The following ANKRD55 variants were observed in gnomAD, a reference collection of about 807,000 sequenced individuals.
ANKRD55 encodes ankyrin repeat domain-containing protein 55.
ANKRD55 carries 41 observed loss-of-function variants against 60.6 expected under a neutral mutation model. That is an observed-to-expected ratio of 0.68 (90% confidence interval 0.53 to 0.88). ANKRD55 has a LOEUF of 0.88. Ranked by LOEUF, ANKRD55 falls within the 40% of genes least tolerant of loss-of-function variation. ANKRD55 has a pLI of 0.00. For missense variants in ANKRD55, 732 were observed against 767.6 expected, an observed-to-expected ratio of 0.95 and a Z score of 0.55; for synonymous variants, 264 against 290.3, an observed-to-expected ratio of 0.91 and a Z score of 0.92.
At chr5:56,218,041 A>G (rs1759866159) in intron 2 of ANKRD55, among the ~76,000 whole-genome samples, 2 of 152,230 alleles carry the variant, frequency 1.3e-5, no homozygotes, top group Non-Finnish European at 2.9e-5. Context: ...CAAGAGAACT[A>G]GAGTTAGAAG....
chr5:56,122,468 T>A (rs1041215034), intron 8 of ANKRD55, among the ~76,000 whole-genome samples: 1 of 151,546 alleles, frequency 6.6e-6, no homozygotes, highest in Non-Finnish European at 1.5e-5. Flanking sequence ...CTGGCCAACA[T>A]GGTGAAACCC....
At chr5:56,109,374 C>T (rs1020460595) in intron 10 of ANKRD55, among the ~76,000 whole-genome samples, 2 of 151,840 alleles carry the variant, frequency 1.3e-5, no homozygotes, top group Admixed American at 6.6e-5. Context: ...TCTAGTTTTT[C>T]GAGAGAAGCT....
chr5:56,188,676 G>A (rs750585226), intron 2 of ANKRD55, among the ~76,000 whole-genome samples: 4 of 152,124 alleles, frequency 2.6e-5, no homozygotes, highest in Admixed American at 2.0e-4. Context: ...ATTGGTCTAC[G>A]TGGCTGTTTT....
At chr5:56,231,760 T>C (rs970470392) in intron 2 of ANKRD55, among the ~76,000 whole-genome samples, 10 of 151,944 alleles carry the variant, frequency 6.6e-5, no homozygotes, top group African/African-American at 2.2e-4. Context: ...TACACATATA[T>C]ACATTAGCTA....
In ANKRD55 at chr5:56,225,486, C is replaced by T. The variant is rs555703732; in HGVS notation, c.58+7370G>A. On this transcript the variant is annotated intron_variant, in intron 2 of 11. Coordinates refer to ENST00000341048, the MANE Select transcript of ANKRD55 (RefSeq NM_024669.3). ...ATAGTGTTGGAAGTTCCGGCCAAGG[C>T]AATCAGGCAGGAGAAATAAATAAAG... Among the ~76,000 whole-genome samples the T allele has an allele frequency of 7.9e-5, 12 of 152,274 alleles. No homozygotes were observed. In the East Asian group the frequency reaches 1.9e-3, roughly 24 times the overall value.
intron 2 of ANKRD55, among the ~76,000 whole-genome samples, chr5:56,216,079 T>G (rs1043712617): frequency 6.9e-6 from 1 of 145,186 alleles, no homozygotes; most frequent in African/African-American, 2.7e-5. Flanking sequence ...TTGCTTGAAT[T>G]TTTTGAAAAA....
intron 4 of ANKRD55, among the ~76,000 whole-genome samples, chr5:56,173,564 CTCTCTCTCTCTCTCTCTCTA>C (rs1408714001): frequency 1.3e-4 from 15 of 115,206 alleles, no homozygotes; most frequent in African/African-American, 3.4e-4. Context: ...CTCTCTCTCT[CTCTCTCTCTCTCTCTCTCTA>C]TATATATATA....
chr5:56,161,332 A>G (rs1758324967), intron 5 of ANKRD55, among the ~76,000 whole-genome samples: 1 of 152,240 alleles, frequency 6.6e-6, no homozygotes, highest in Non-Finnish European at 1.5e-5. Context: ...TCAAGATGAT[A>G]AAGAATAGTG....
rs139758206 is a variant in ANKRD55 at position 56,116,626 on chromosome 5, G to C, written c.954C>G (p.Ser318=). Residue 318 remains serine (S), a synonymous_variant, in exon 9 of 12, where the codon TCC becomes TCG. Coordinates refer to ENST00000341048, the MANE Select transcript of ANKRD55 (RefSeq NM_024669.3). ...CCTGTTGTACTCACCTGCTCTCTTG[G>C]GAGAGGAGTTTGACACACGCCGTGT... ...CGHTACVKLL[S]QESRTEPTRP... 9.1e-5 allele frequency: 144 copies of C among 1,588,890 alleles called. No homozygotes were observed. Among genetic ancestry groups the C allele is most frequent in the African/African-American group, 1.4e-5 (1 of 73,368 alleles).
chr5:56,117,335 T>A (rs1357368857), intron 8 of ANKRD55, among the ~76,000 whole-genome samples: 6 of 152,236 alleles, frequency 3.9e-5, no homozygotes, highest in African/African-American at 9.6e-5. Context: ...TCTATTAAAG[T>A]ATAAGTGTTT....
intron 8 of ANKRD55, among the ~76,000 whole-genome samples, chr5:56,126,466 AAAC>A (rs1300625770): frequency 3.9e-5 from 6 of 152,308 alleles, no homozygotes; most frequent in Non-Finnish European, 7.3e-5. Flanking sequence ...TGATGATCGA[AAAC>A]AACAACAACC....
At chr5:56,179,243 G>A (rs1434701037) in intron 3 of ANKRD55, among the ~76,000 whole-genome samples, 5 of 152,104 alleles carry the variant, frequency 3.3e-5, no homozygotes, top group African/African-American at 7.2e-5. Context: ...AAATCTTAAA[G>A]ACATAATTTT....
At chr5:56,137,138 G>T in intron 7 of ANKRD55, 1 of 1,372,464 alleles carries the variant, frequency 7.3e-7, no homozygotes, top group Non-Finnish European at 1.0e-6. Flanking sequence ...TCACTTTACA[G>T]AAACAGTGTG....
At chr5:56,111,987 T>C (rs1008414506) in intron 9 of ANKRD55, among the ~76,000 whole-genome samples, 3 of 152,226 alleles carry the variant, frequency 2.0e-5, no homozygotes, top group African/African-American at 7.2e-5. Context: ...CTCTTTACCA[T>C]GGGCAGTCTT....
At chr5:56,220,753 C>T (rs1322625790) in intron 2 of ANKRD55, among the ~76,000 whole-genome samples, 1 of 152,146 alleles carries the variant, frequency 6.6e-6, no homozygotes, top group African/African-American at 2.4e-5. Flanking sequence ...GCAGAGGTTG[C>T]AGTGAGCCAA....
At position 56,183,506 on chromosome 5, in the gene ANKRD55, T is replaced by A. The variant is rs1329814244; in HGVS notation, c.181+6A>T. The A allele has an allele frequency of 6.2e-7, 1 of 1,613,744 alleles. No individual in the cohort carries two copies. The highest frequency in any genetic ancestry group is 1.3e-5 in the African/African-American group (1 of 74,918). ...ATTCTGGATTCAAAATGCATACATA[T>A]CTCACCTTCACTGTCACAGCATTCT... On this transcript the variant is annotated splice_donor_region_variant and intron_variant, in intron 3 of 11. Coordinates refer to ENST00000341048, the MANE Select transcript of ANKRD55 (RefSeq NM_024669.3).
At chr5:56,209,610 G>T (rs922586015) in intron 2 of ANKRD55, among the ~76,000 whole-genome samples, 10 of 152,120 alleles carry the variant, frequency 6.6e-5, no homozygotes, top group African/African-American at 2.4e-4. Flanking sequence ...GGGACTACAG[G>T]CGCCCGCCAC....
rs150974511 is a variant in ANKRD55, at chr5:56,175,894, G to T, written c.312+258C>A. Reference sequence around the variant, plus strand: ...CCAAGAGAAATTCTGATGCCATTAAGATAGAAAAGAATGTTTCCCTAATGG... The same window carrying T: ...CCAAGAGAAATTCTGATGCCATTAATATAGAAAAGAATGTTTCCCTAATGG... On this transcript the variant is annotated intron_variant, in intron 4 of 11. Transcript: ENST00000341048. 2.0e-4 allele frequency among the ~76,000 whole-genome samples: 31 copies of T among 152,242 alleles called. No individual in the cohort carries two copies. The East Asian group carries it at 5.4e-3, about 27-fold the overall frequency.
chr5:56,218,314 T>C (rs1317829926), intron 2 of ANKRD55, among the ~76,000 whole-genome samples: 4 of 152,230 alleles, frequency 2.6e-5, no homozygotes, highest in Non-Finnish European at 5.9e-5. Context: ...TATCAAACCA[T>C]ATCACATGTT....
Sources: allele counts gnomAD v4.1 joint callset (sites outside exome capture counted in the v4.1 genomes callset), GRCh38; gene constraint gnomAD v4.1.1; transcripts MANE v1.5; gene names NCBI Gene and HGNC (gene_info 2026-07-23, HGNC 2026-07-21).